GULP1: variants seen among roughly 807,000 people sequenced by gnomAD.
The protein encoded by GULP1 is PTB domain-containing engulfment adapter protein 1.
In GULP1, 19 loss-of-function variants were observed where a neutral mutation model predicts 40.9. The observed-to-expected ratio is 0.46, with a 90% CI of 0.32 to 0.68. GULP1 has a LOEUF of 0.68. Ranked by LOEUF, GULP1 falls within the 30% of genes least tolerant of loss-of-function variation. The pLI is 0.03. For missense variants in GULP1, 312 were observed against 362.2 expected, an observed-to-expected ratio of 0.86 and a Z score of 1.12; for synonymous variants, 119 against 117.6, an observed-to-expected ratio of 1.01 and a Z score of -0.08.
rs956242453 is a variant in GULP1, at chr2:188,456,076, C to T, written c.-44-21583C>T. Among the ~76,000 whole-genome samples the T allele has an allele frequency of 1.2e-4, 18 of 152,268 alleles. No homozygotes were observed. In the East Asian group the frequency reaches 3.1e-3, roughly 26 times the overall value. On this transcript the variant is annotated intron_variant, in intron 2 of 11. Transcript: ENST00000409830. ...AAACAGCAAAGCATTCAAGAGGTAACTTGGGTGCTGTTAAAGGCATTCAGT... is the reference window on the plus strand; with the variant it reads ...AAACAGCAAAGCATTCAAGAGGTAATTTGGGTGCTGTTAAAGGCATTCAGT...
In GULP1 at chr2:188,304,737, C is replaced by G. The variant is rs1181895830; in HGVS notation, c.-172+12571C>G. On this transcript the variant is annotated intron_variant, in intron 1 of 11. Transcript: ENST00000409830. ...ACTTATTTCCTGCTCTTAGGCATAGCTACTTGTACCTCCTGTGTGATAAGA... is the reference window on the plus strand; with the variant it reads ...ACTTATTTCCTGCTCTTAGGCATAGGTACTTGTACCTCCTGTGTGATAAGA... Among the ~76,000 whole-genome samples, 3 of 152,284 alleles carry G rather than the reference C, an allele frequency of 2.0e-5. No homozygotes were observed. The East Asian group carries it at 5.8e-4, about 29-fold the overall frequency.
At chr2:188,358,605 C>T (rs191049151) in intron 1 of GULP1, among the ~76,000 whole-genome samples, 1 of 152,130 alleles carries the variant, frequency 6.6e-6, no homozygotes, top group East Asian at 1.9e-4. Context: ...TAGCACATTG[C>T]ACCCCATAAA....
chr2:188,392,683 A>T lies in GULP1; in HGVS notation c.-45+8794A>T, dbSNP rs1024957727. Among the ~76,000 whole-genome samples, 28 of 151,962 alleles carry T rather than the reference A, an allele frequency of 1.8e-4. 1 individual carries two copies. Among genetic ancestry groups the T allele is most frequent in the Admixed American group, 1.3e-4 (2 of 15,238 alleles). On this transcript the variant is annotated intron_variant, in intron 2 of 11. Coordinates refer to ENST00000409830, the MANE Select transcript of GULP1 (RefSeq NM_016315.4). ...CTCTATTTCCTTGAGATGTGACATTAGGTTGTCAATTTGTGATCTTTCAGA... is the reference window on the plus strand; with the variant it reads ...CTCTATTTCCTTGAGATGTGACATTTGGTTGTCAATTTGTGATCTTTCAGA...
chr2:188,389,622 A>C (rs561984319), intron 2 of GULP1, among the ~76,000 whole-genome samples: 1 of 152,194 alleles, frequency 6.6e-6, no homozygotes, highest in Non-Finnish European at 1.5e-5. Flanking sequence ...TCTTTAAAAA[A>C]ATTTCAGTAG....
At chr2:188,339,904 A>G (rs1391480143) in intron 1 of GULP1, among the ~76,000 whole-genome samples, 1 of 152,224 alleles carries the variant, frequency 6.6e-6, no homozygotes, top group Non-Finnish European at 1.5e-5. Flanking sequence ...TTAGGATTTT[A>G]TCAGAAAATG....
intron 2 of GULP1, among the ~76,000 whole-genome samples, chr2:188,414,312 A>G (rs2054301327): frequency 6.6e-6 from 1 of 151,490 alleles, no homozygotes; most frequent in Non-Finnish European, 1.5e-5. Flanking sequence ...TTTTTGTTAT[A>G]TGTCTTCTTT....
intron 7 of GULP1, among the ~76,000 whole-genome samples, chr2:188,568,915 A>C (rs1004886047): frequency 2.6e-4 from 40 of 152,170 alleles, no homozygotes; most frequent in African/African-American, 9.7e-4. Flanking sequence ...GGAGAAAAAC[A>C]AGTAGGAAAA....
chr2:188,531,581 G>A (rs1687557556), intron 6 of GULP1, among the ~76,000 whole-genome samples: 1 of 152,028 alleles, frequency 6.6e-6, no homozygotes, highest in African/African-American at 2.4e-5. Flanking sequence ...TTTAGTTACG[G>A]CGATTCTAAA....
intron 10 of GULP1, among the ~76,000 whole-genome samples, chr2:188,587,570 G>C (rs1295344823): frequency 1.3e-5 from 2 of 152,046 alleles, no homozygotes; most frequent in Non-Finnish European, 2.9e-5. Flanking sequence ...ACAATTATCA[G>C]CTCTTTGGTG....
chr2:188,524,046 G>A (rs1575775017), intron 5 of GULP1, among the ~76,000 whole-genome samples: 1 of 152,082 alleles, frequency 6.6e-6, no homozygotes, highest in Admixed American at 6.6e-5. Context: ...CACAGTTTAT[G>A]GACACATTAG....
intron 2 of GULP1, among the ~76,000 whole-genome samples, chr2:188,454,005 C>T (rs759623130): frequency 3.3e-5 from 5 of 152,312 alleles, no homozygotes; most frequent in Non-Finnish European, 7.3e-5. Flanking sequence ...AGCCACTTTG[C>T]CACCTGGGGA....
At chr2:188,524,592 T>A (rs184628287) in intron 5 of GULP1, among the ~76,000 whole-genome samples, 182 of 145,232 alleles carry the variant, frequency 1.3e-3, no homozygotes, top group African/African-American at 2.4e-3. Flanking sequence ...TTATCTATTT[T>A]TATATATATA....
chr2:188,331,927 GA>G (rs1428888489), intron 1 of GULP1, among the ~76,000 whole-genome samples: 4 of 152,046 alleles, frequency 2.6e-5, no homozygotes, highest in African/African-American at 4.8e-5. Flanking sequence ...TTATTAAAAT[GA>G]AAAAAATTTA....
At chr2:188,360,591 A>G (rs2045947946) in intron 1 of GULP1, among the ~76,000 whole-genome samples, 1 of 152,098 alleles carries the variant, frequency 6.6e-6, no homozygotes, top group Non-Finnish European at 1.5e-5. Flanking sequence ...AATGTTGACT[A>G]AGTAAGTGGT....
intron 1 of GULP1, among the ~76,000 whole-genome samples, chr2:188,300,546 T>G (rs2106050354): frequency 6.6e-6 from 1 of 152,250 alleles, no homozygotes; most frequent in African/African-American, 2.4e-5. Context: ...GTACAACAAA[T>G]TACTATCTTA....
rs554178118 is a variant in GULP1, at chr2:188,410,265, G to A, written c.-45+26376G>A. Among the ~76,000 whole-genome samples, 5 of 152,148 alleles carry A rather than the reference G, an allele frequency of 3.3e-5. No individual in the cohort carries two copies. The East Asian group carries it at 7.7e-4, about 24-fold the overall frequency. ...TAAAACTACTAGAAGAAAACAAAGGGGAAAAGCCCTGTGACATTGGTTTGG... is the reference window on the plus strand; with the variant it reads ...TAAAACTACTAGAAGAAAACAAAGGAGAAAAGCCCTGTGACATTGGTTTGG... On this transcript the variant is annotated intron_variant, in intron 2 of 11. Coordinates refer to ENST00000409830, the MANE Select transcript of GULP1 (RefSeq NM_016315.4).
rs1449515029 is a variant in GULP1, at chr2:188,595,408, T to C, written c.*1397T>C. ...TAGGAAAAGAAATCAAATATGCTTA[T>C]GCAATATATATTTGTGTGTTTTTCC... On this transcript the variant is annotated 3_prime_UTR_variant, in exon 12 of 12. Coordinates refer to ENST00000409830, the MANE Select transcript of GULP1 (RefSeq NM_016315.4). The C allele has an allele frequency of 2.6e-5, 4 of 152,202 alleles. No homozygotes were observed. The highest frequency in any genetic ancestry group is 1.3e-4 in the Admixed American group (2 of 15,178). The allele number at this position is 152,202 out of a possible 1,614,324, so 9.4% of individuals were successfully genotyped here.
chr2:188,492,275 AAC>A (rs1489087043), intron 4 of GULP1, among the ~76,000 whole-genome samples: 8 of 152,238 alleles, frequency 5.3e-5, no homozygotes, highest in African/African-American at 1.7e-4. Flanking sequence ...TTATTTTGAA[AAC>A]ACAATATGTG....
At chr2:188,476,877 A>G (rs576464370) in intron 2 of GULP1, among the ~76,000 whole-genome samples, 1 of 152,174 alleles carries the variant, frequency 6.6e-6, no homozygotes, top group South Asian at 2.1e-4. Context: ...TGAGGGAATT[A>G]CTCCAGAAAT....
Sources: allele counts gnomAD v4.1 joint callset (sites outside exome capture counted in the v4.1 genomes callset), GRCh38; gene constraint gnomAD v4.1.1; transcripts MANE v1.5; gene names NCBI Gene and HGNC (gene_info 2026-07-23, HGNC 2026-07-21).